Variants in MIPOL1 observed in about 807,000 individuals in gnomAD.
MIPOL1 encodes mirror-image polydactyly 1, also known as mirror-image polydactyly gene 1 protein.
MIPOL1 carries 57 observed loss-of-function variants against 60.9 expected under a neutral mutation model. The observed-to-expected ratio is 0.94, with a 90% CI of 0.76 to 1.17. The LOEUF is 1.17. Among genes scored for constraint, MIPOL1 ranks in the 50% most tolerant of loss-of-function variants. The probability of loss-of-function intolerance (pLI) is 0.00; values close to 1 mark genes in which losing one functional copy is unlikely to be tolerated. For synonymous variants in MIPOL1, 179 were observed against 168.8 expected (o/e 1.06, Z -0.47); for missense variants, 551 against 511.6 (o/e 1.08, Z -0.74).
rs116777153 is a variant in MIPOL1, at chr14:37,211,308, A to G, written c.-199+13204A>G. Among the ~76,000 whole-genome samples the G allele has an allele frequency of 3.4e-3, 522 of 152,254 alleles. 3 individuals carry two copies. The highest frequency in any genetic ancestry group is 0.012 in the African/African-American group (512 of 41,550). Reference sequence around the variant, plus strand: ...CTGGTTTTAACTTCATATTGCTGAAAGAGGTACTGAAGAGATCGAAAAACA... The same window carrying G: ...CTGGTTTTAACTTCATATTGCTGAAGGAGGTACTGAAGAGATCGAAAAACA... On this transcript the variant is annotated intron_variant, in intron 1 of 12. Transcript: ENST00000684589.
chr14:37,205,550 A>G (rs888473192), intron 1 of MIPOL1, among the ~76,000 whole-genome samples: 1 of 151,892 alleles, frequency 6.6e-6, no homozygotes, highest in East Asian at 1.9e-4. Context: ...TACATGTGCC[A>G]TGTTGGTTTG....
intron 7 of MIPOL1, among the ~76,000 whole-genome samples, chr14:37,293,763 G>A (rs916583445): frequency 4.6e-5 from 7 of 152,196 alleles, no homozygotes; most frequent in Non-Finnish European, 8.8e-5. Context: ...GCTTTGGTGG[G>A]GGGTGCCCGC....
chr14:37,356,831 C>T (rs8011752), intron 9 of MIPOL1, among the ~76,000 whole-genome samples: 147,512 of 152,264 alleles, frequency 0.97, 71,531 homozygotes, highest in East Asian at 1. Flanking sequence ...GAGATGAACC[C>T]GGTACCTCAG....
intron 10 of MIPOL1, among the ~76,000 whole-genome samples, chr14:37,405,338 C>CAT (rs1355766214): frequency 6.6e-6 from 1 of 152,106 alleles, no homozygotes; most frequent in Non-Finnish European, 1.5e-5. Flanking sequence ...TAAATTACTG[C>CAT]ATATGTGATT....
At chr14:37,200,948 G>C (rs1322098321) in intron 1 of MIPOL1, among the ~76,000 whole-genome samples, 4 of 142,704 alleles carry the variant, frequency 2.8e-5, no homozygotes, top group Middle Eastern at 7.8e-3. Flanking sequence ...TGTCACCCAG[G>C]CTGGAGTGCA....
intron 11 of MIPOL1, among the ~76,000 whole-genome samples, chr14:37,473,359 AC>A (rs2153591489): frequency 6.6e-6 from 1 of 150,554 alleles, no homozygotes; most frequent in Admixed American, 6.6e-5. Context: ...AGCCAAATAA[AC>A]CTTTTTTTTT....
In MIPOL1 at chr14:37,218,799, G is replaced by A. The variant is rs939536275; in HGVS notation, c.-199+20695G>A. ...AAAAAAATAGAAAAATTAGCCTGGT[G>A]TGGTAGTCCCAGCTAGTCAGGAGGC... On this transcript the variant is annotated intron_variant, in intron 1 of 12. Coordinates refer to ENST00000684589, the MANE Select transcript of MIPOL1 (RefSeq NM_001388067.1). Among the ~76,000 whole-genome samples the A allele has an allele frequency of 6.6e-5, 10 of 151,712 alleles. 1 individual carries two copies. Among genetic ancestry groups the A allele is most frequent in the African/African-American group, 2.4e-4 (10 of 41,414 alleles).
rs201919287 is a variant in MIPOL1, at chr14:37,509,791, ATATC to A, written c.1262+9660_1262+9663del. Among the ~76,000 whole-genome samples the A allele has an allele frequency of 3.3e-3, 494 of 148,468 alleles. 3 individuals are homozygous for A. The highest frequency in any genetic ancestry group is 0.011 in the African/African-American group (435 of 38,538). ...TGTTTGTGTGTATATACATGTATGTATATCTATCTACTTATGTATAAGCTATATA... is the reference window on the plus strand; with the variant it reads ...TGTTTGTGTGTATATACATGTATGTATATCTACTTATGTATAAGCTATATA... On this transcript the variant is annotated intron_variant, in intron 12 of 12. Transcript: ENST00000684589.
intron 11 of MIPOL1, among the ~76,000 whole-genome samples, chr14:37,474,578 T>C (rs965321712): frequency 6.6e-6 from 1 of 152,208 alleles, no homozygotes; most frequent in African/African-American, 2.4e-5. Context: ...TCCCTAGCCA[T>C]GTGTAACTGT....
intron 12 of MIPOL1, among the ~76,000 whole-genome samples, chr14:37,535,316 C>T (rs2095501084): frequency 6.6e-6 from 1 of 152,224 alleles, no homozygotes. Context: ...AATCTAAGGA[C>T]AGTTGAATAT....
At chr14:37,322,517 G>A (rs919709937) in intron 9 of MIPOL1, among the ~76,000 whole-genome samples, 1 of 151,828 alleles carries the variant, frequency 6.6e-6, no homozygotes, top group African/African-American at 2.4e-5. Context: ...TTTAAAACTT[G>A]TACTTGGCTC....
chr14:37,477,287 A>G (rs2094791456), intron 11 of MIPOL1, among the ~76,000 whole-genome samples: 1 of 151,692 alleles, frequency 6.6e-6, no homozygotes, highest in South Asian at 2.1e-4. Context: ...TTTGGATGAG[A>G]TCGTAGAGAA....
intron 10 of MIPOL1, among the ~76,000 whole-genome samples, chr14:37,412,392 T>G (rs2093694184): frequency 1.3e-5 from 2 of 151,932 alleles, no homozygotes; most frequent in Admixed American, 6.6e-5. Flanking sequence ...TAAAAATCAC[T>G]AAGGCAAAAA....
intron 11 of MIPOL1, among the ~76,000 whole-genome samples, chr14:37,459,697 C>T (rs1006728133): frequency 3.3e-5 from 5 of 152,090 alleles, no homozygotes; most frequent in Non-Finnish European, 7.4e-5. Context: ...AATAGCAAAG[C>T]CAGGGAAGGA....
At chr14:37,532,094 G>A (rs541553128) in intron 12 of MIPOL1, among the ~76,000 whole-genome samples, 1 of 152,214 alleles carries the variant, frequency 6.6e-6, no homozygotes, top group East Asian at 1.9e-4. Flanking sequence ...ATAAATAAAT[G>A]AGGCCTTAAT....
rs556635884 is a variant in MIPOL1, at chr14:37,397,968, T to A, written c.937-24887T>A. ...GAGTCTGCACATTGAATTCATGCCC[T>A]CCTGTGAGTTCTGGCCAGGAGGCTT... On this transcript the variant is annotated intron_variant, in intron 10 of 12. Coordinates refer to ENST00000684589, the MANE Select transcript of MIPOL1 (RefSeq NM_001388067.1). Among the ~76,000 whole-genome samples, 45 of 152,272 alleles carry A rather than the reference T, an allele frequency of 3.0e-4. 1 individual carries two copies. In the South Asian group the frequency reaches 9.3e-3, roughly 32 times the overall value.
At chr14:37,361,126 T>A (rs761582234) in intron 9 of MIPOL1, among the ~76,000 whole-genome samples, 3 of 152,172 alleles carry the variant, frequency 2.0e-5, no homozygotes, top group Non-Finnish European at 4.4e-5. Flanking sequence ...AGTTGTGCAG[T>A]TTTGAGTGAG....
At chr14:37,355,574 AG>A (rs1160909751) in intron 9 of MIPOL1, among the ~76,000 whole-genome samples, 1 of 140,424 alleles carries the variant, frequency 7.1e-6, no homozygotes, top group Non-Finnish European at 1.6e-5. Context: ...CTTTTCACAT[AG>A]TCTCATATTT....
intron 1 of MIPOL1, among the ~76,000 whole-genome samples, chr14:37,210,491 T>A (rs1966741674): frequency 6.6e-6 from 1 of 152,166 alleles, no homozygotes; most frequent in Admixed American, 6.5e-5. Context: ...TCACTGAGAC[T>A]ATGCTGTTGC....
Sources: allele counts gnomAD v4.1 joint callset (sites outside exome capture counted in the v4.1 genomes callset), GRCh38; gene constraint gnomAD v4.1.1; transcripts MANE v1.5; gene names NCBI Gene and HGNC (gene_info 2026-07-23, HGNC 2026-07-21).